Variants in PCDHGB3 observed in about 807,000 individuals in gnomAD.
PCDHGB3 encodes the protein protocadherin gamma subfamily B, 3.
In PCDHGB3, 40 loss-of-function variants were observed where a neutral mutation model predicts 59.2. That is an observed-to-expected ratio of 0.68 (90% CI 0.52 to 0.88). The LOEUF is 0.88. PCDHGB3 is among the 40% of genes least tolerant of loss of function. PCDHGB3 has a pLI of 0.00. For missense variants in PCDHGB3, 1,309 were observed against 1,187.9 expected (o/e 1.10, Z -1.50); for synonymous variants, 581 against 503.6 (o/e 1.15, Z -2.06).
chr5:141,433,358 CCTATCTAT>C lies in PCDHGB3; in HGVS notation c.2415+60590_2415+60597del, dbSNP rs3074541. On this transcript the variant is annotated intron_variant, in intron 1 of 3. Transcript: ENST00000576222. ...ACAGGTGCAAGCCACCTACTGTCTG[CCTATCTAT>C]CTATCTATCTATCTATCTATCTATC... is the stretch of plus-strand genomic sequence containing the variant. The C allele has an allele frequency of 7.0e-3, 3,504 of 501,060 alleles. 20 individuals carry two copies. The highest frequency in any genetic ancestry group is 7.9e-3 in the Non-Finnish European group (2,251 of 285,142). The allele number at this position is 501,060 out of a possible 1,614,324, so 31.0% of individuals were successfully genotyped here.
chr5:141,397,695 C>T lies in PCDHGB3; in HGVS notation c.2415+24886C>T, dbSNP rs146807025. ...AATGTATGCAGGTTTGTATAAAAAC[C>T]CAACGTGATATTTCTAACAATTTGG... On this transcript the variant is annotated intron_variant, in intron 1 of 3. Coordinates refer to ENST00000576222, the MANE Select transcript of PCDHGB3 (RefSeq NM_018924.5). 1.4e-3 allele frequency among the ~76,000 whole-genome samples: 211 copies of T among 152,210 alleles called. 1 individual carries two copies. Among genetic ancestry groups the T allele is most frequent in the African/African-American group, 4.7e-3 (197 of 41,534 alleles).
Position 141,476,782 on chromosome 5 carries a change from A to T in PCDHGB3, c.2416-18025A>T. On this transcript the variant is annotated intron_variant, in intron 1 of 3. Coordinates refer to ENST00000576222, the MANE Select transcript of PCDHGB3 (RefSeq NM_018924.5). The surrounding 1 kb of genome is among the most constrained non-coding windows in gnomAD (Gnocchi z 7.6). ...TGACGGCGTTGGACGGAGGGACCCCAGCTCTCTCCGCCAGCCTGCCTATTC... is the reference window on the plus strand; with the variant it reads ...TGACGGCGTTGGACGGAGGGACCCCTGCTCTCTCCGCCAGCCTGCCTATTC... 6.2e-7 allele frequency: 1 copy of T among 1,613,568 alleles called. No individual in the cohort carries two copies. The highest frequency in any genetic ancestry group is 8.5e-7 in the Non-Finnish European group (1 of 1,179,996).
chr5:141,390,477 C>T (rs2150421205), intron 1 of PCDHGB3: 3 of 678,620 alleles, frequency 4.4e-6, no homozygotes, highest in South Asian at 2.0e-5. Flanking sequence ...TGTGGCCCAA[C>T]ATTTGTTTGT....
chr5:141,371,426 C>T lies in PCDHGB3; in HGVS notation c.1032C>T (p.Ala344=), dbSNP rs1210982594. The T allele has an allele frequency of 2.1e-5, 34 of 1,613,774 alleles. No individual in the cohort carries two copies. The highest frequency in any genetic ancestry group is 2.7e-5 in the Non-Finnish European group (32 of 1,179,838). ...ATATTTCAGATGAAAATGACAATGC[C>T]CCGGAGATAACCCTGGCTTCTGAAT... ...QIDISDENDN[A]PEITLASESQ... Residue 344 remains alanine (A), a synonymous_variant, in exon 1 of 4, where the codon GCC becomes GCT. Transcript: ENST00000576222.
chr5:141,375,963 G>C (rs371650654), intron 1 of PCDHGB3: 4 of 1,613,262 alleles, frequency 2.5e-6, no homozygotes, highest in Non-Finnish European at 2.5e-6. Flanking sequence ...GGCGAGGTGC[G>C]CACGGCGCGC....
chr5:141,477,867 C>CGGT lies in PCDHGB3; in HGVS notation c.2416-16940_2416-16939insGGT. On this transcript the variant is annotated intron_variant, in intron 1 of 3. Transcript: ENST00000576222. This position sits in a 1 kb window ranked among gnomAD's most constrained non-coding sequence, Gnocchi z 4.9. ...TCGGTGGAGATGCTGCCTCGAGGTA[C>CGGT]CTCAGCTGGCCACCTAGTGTCACGG... 6.2e-7 allele frequency: 1 copy of CGGT among 1,613,614 alleles called. No homozygotes were observed. Among genetic ancestry groups the CGGT allele is most frequent in the Non-Finnish European group, 8.5e-7 (1 of 1,179,854 alleles).
intron 1 of PCDHGB3, among the ~76,000 whole-genome samples, chr5:141,488,087 G>A (rs1479773288): frequency 6.6e-6 from 1 of 152,198 alleles, no homozygotes; most frequent in East Asian, 1.9e-4. Flanking sequence ...CTAGTACACT[G>A]TGAAGGGACC....
intron 1 of PCDHGB3, chr5:141,413,675 G>C (rs773300658): frequency 6.2e-7 from 1 of 1,613,826 alleles, no homozygotes; most frequent in Non-Finnish European, 8.5e-7. Context: ...CCGGATGTGG[G>C]CGTGAACTCC....
rs573101178 is a variant in PCDHGB3 at position 141,372,171 on chromosome 5, G to A, written c.1777G>A (p.Ala593Thr). 2.5e-6 allele frequency: 4 copies of A among 1,613,744 alleles called. No individual in the cohort carries two copies. Among genetic ancestry groups the A allele is most frequent in the East Asian group, 4.5e-5 (2 of 44,868 alleles). The change falls in exon 1 of 4, where the codon GCG (alanine) becomes ACG (threonine). Residue 593 changes from alanine (A) to threonine (T), a missense_variant. By Grantham distance (58) the Ala-to-Thr change is moderately conservative. Coordinates refer to ENST00000576222, the MANE Select transcript of PCDHGB3 (RefSeq NM_018924.5). Reference sequence around the variant, plus strand: ...TGGCTACCTGGTGACCAAGGTGGTGGCGGTGGACGCAGACTCGGGATACAA... The same window carrying A: ...TGGCTACCTGGTGACCAAGGTGGTGACGGTGGACGCAGACTCGGGATACAA... ...EPGYLVTKVV[A>T]VDADSGYNAW... is the part of the protein sequence containing the mutation.
In PCDHGB3 at chr5:141,371,779, C is replaced by T. The variant is rs1376819850; in HGVS notation, c.1385C>T (p.Ala462Val). 1.2e-6 allele frequency: 2 copies of T among 1,614,012 alleles called. No individual in the cohort carries two copies. Among genetic ancestry groups the T allele is most frequent in the Non-Finnish European group, 1.7e-6 (2 of 1,179,900 alleles). The change falls in exon 1 of 4, where the codon GCT (alanine) becomes GTT (valine). Residue 462 changes from alanine to valine, a missense_variant. Coordinates refer to ENST00000576222, the MANE Select transcript of PCDHGB3 (RefSeq NM_018924.5). ...FHQASYTVHVAENNPPGASIA... is the reference protein window; with the variant it reads ...FHQASYTVHVVENNPPGASIA... Reference sequence around the variant, plus strand: ...CAGGCCTCCTACACCGTGCATGTAGCTGAGAACAATCCGCCTGGAGCCTCC... The same window carrying T: ...CAGGCCTCCTACACCGTGCATGTAGTTGAGAACAATCCGCCTGGAGCCTCC...
At chr5:141,500,295 G>A (rs911106966) in intron 2 of PCDHGB3, among the ~76,000 whole-genome samples, 2 of 151,282 alleles carry the variant, frequency 1.3e-5, no homozygotes, top group African/African-American at 4.9e-5. Flanking sequence ...TGCAAGCTCC[G>A]CCTCCCAGGT....
intron 1 of PCDHGB3, chr5:141,385,153 A>T: frequency 6.2e-7 from 1 of 1,614,128 alleles, no homozygotes; most frequent in South Asian, 1.1e-5. Flanking sequence ...TTTCCTGCAG[A>T]CCTATTCCCA....
At chr5:141,472,000 C>T (rs935165645) in intron 1 of PCDHGB3, among the ~76,000 whole-genome samples, 3 of 151,852 alleles carry the variant, frequency 2.0e-5, no homozygotes, top group African/African-American at 4.8e-5. Flanking sequence ...ATCCCTGCAT[C>T]GTATAGGGGC....
rs1368632691 is a variant in PCDHGB3 at position 141,485,071 on chromosome 5, C to A, written c.2416-9736C>A. ...GCCGGCCGAACCGCGCCAGAGCTGG[C>A]GCGGGGAAAGGGAGATAGGTGTCTC... On this transcript the variant is annotated intron_variant, in intron 1 of 3. Coordinates refer to ENST00000576222, the MANE Select transcript of PCDHGB3 (RefSeq NM_018924.5). This position sits in a 1 kb window ranked among gnomAD's most constrained non-coding sequence, Gnocchi z 5.7. 3.3e-6 allele frequency: 3 copies of A among 913,030 alleles called. No individual in the cohort carries two copies. Among genetic ancestry groups the A allele is most frequent in the Non-Finnish European group, 5.1e-6 (3 of 584,604 alleles). 56.6% of individuals were successfully genotyped at this position (913,030 alleles called of 1,614,324 possible).
At chr5:141,408,410 G>C (rs1329403051) in intron 1 of PCDHGB3, 1 of 1,613,932 alleles carries the variant, frequency 6.2e-7, no homozygotes, top group African/African-American at 1.3e-5. Flanking sequence ...GCGAGTGAGC[G>C]CGGAGAAGCT....
rs192747939 is a variant in PCDHGB3 at position 141,487,483 on chromosome 5, T to A, written c.2416-7324T>A. ...TTGTTGATGTGGGAGGCCACTCTCA[T>A]GGCTGTACACCCTTGGCTTCTGCAC... On this transcript the variant is annotated intron_variant, in intron 1 of 3. Transcript: ENST00000576222. This position sits in a 1 kb window ranked among gnomAD's most constrained non-coding sequence, Gnocchi z 5.0. 1 of 1,614,224 alleles carries A rather than the reference T, an allele frequency of 6.2e-7. No individual in the cohort carries two copies. The highest frequency in any genetic ancestry group is 1.1e-5 in the South Asian group (1 of 91,084).
At chr5:141,400,032 C>T (rs770927016) in intron 1 of PCDHGB3, 1 of 1,613,282 alleles carries the variant, frequency 6.2e-7, no homozygotes, top group Admixed American at 1.7e-5. Flanking sequence ...ACGCGGCCCG[C>T]CAGCGCCTGC....
intron 2 of PCDHGB3, among the ~76,000 whole-genome samples, chr5:141,498,971 G>GGGAAGGAAGGAAGGAAGGAAGGAAGGAA (rs201769957): frequency 9.0e-6 from 1 of 110,972 alleles, no homozygotes; most frequent in Non-Finnish European, 1.8e-5. Flanking sequence ...GAGGGAGGGA[G>GGGAAGGAAGGAAGGAAGGAAGGAAGGAA]GGAAGGAAGG....
intron 1 of PCDHGB3, chr5:141,409,350 G>T: frequency 6.2e-7 from 1 of 1,613,922 alleles, no homozygotes; most frequent in Non-Finnish European, 8.5e-7. Context: ...GGAGAAGTCA[G>T]GTGTAATATA....
Sources: gnomAD v4.1 joint callset for allele counts (sites outside exome capture counted in the v4.1 genomes callset) on GRCh38, gnomAD v4.1.1 for gene constraint, Gnocchi (gnomAD v3.1) non-coding constraint, MANE v1.5 for transcripts, NCBI Gene and HGNC (gene_info 2026-07-23, HGNC 2026-07-21) for gene names.